Variants in SGSM2 observed in about 807,000 individuals in gnomAD.
SGSM2 encodes the protein small G protein signaling modulator 2.
Under a neutral mutation model 126.6 loss-of-function variants are expected in SGSM2, and 89 were observed. That is an observed-to-expected ratio of 0.70 (90% CI 0.59 to 0.84). SGSM2 has a LOEUF of 0.84. SGSM2 is among the 40% of genes least tolerant of loss of function. SGSM2 has a pLI of 0.00. For synonymous variants in SGSM2, 614 were observed against 574.3 expected (o/e 1.07, Z -0.99); for missense variants, 1,404 against 1,416.6 (o/e 0.99, Z 0.14).
Position 2,379,986 on chromosome 17 carries a change from G to T in SGSM2, c.*466G>T. 7.2e-7 allele frequency: 1 copy of T among 1,380,546 alleles called. No homozygotes were observed. Among genetic ancestry groups the T allele is most frequent in the African/African-American group, 1.5e-5 (1 of 68,482 alleles). 85.5% of individuals were successfully genotyped at this position (1,380,546 alleles called of 1,614,324 possible). ...GTCCCAGTATATTGTGCGTGCACCA[G>T]CCCCAGCTGGAGCAACCAAAACTGC... On this transcript the variant is annotated 3_prime_UTR_variant, in exon 24 of 24. Coordinates refer to ENST00000268989, the MANE Select transcript of SGSM2 (RefSeq NM_014853.3).
rs757823347 is a variant in SGSM2 at position 2,371,422 on chromosome 17, G to A, written c.1577+7G>A. The A allele has an allele frequency of 8.2e-6, 13 of 1,586,444 alleles. No individual in the cohort carries two copies. Among genetic ancestry groups the A allele is most frequent in the Non-Finnish European group, 1.1e-5 (13 of 1,165,406 alleles). On this transcript the variant is annotated splice_region_variant and intron_variant, in intron 13 of 23. Coordinates refer to ENST00000268989, the MANE Select transcript of SGSM2 (RefSeq NM_014853.3). ...GTAGCTGCATCCCCGACCGGTGAGT[G>A]GGCAGCGCTCGGCCCCAGCTTCCCG...
chr17:2,375,762 G>A lies in SGSM2; in HGVS notation c.2371G>A (p.Gly791Ser), dbSNP rs751282897. Reference protein sequence around the residue: ...GGGEEGSSGPGPAAHTLREPQ... With the variant: ...GGGEEGSSGPSPAAHTLREPQ... ...TGGGGAGGAAGGCTCCAGTGGGCCC[G>A]GCCCTGCAGCTCACACTTTGAGGGA... The change falls in exon 18 of 24, where the codon GGC becomes AGC. Residue 791 changes from glycine to serine, a missense_variant. Coordinates refer to ENST00000268989, the MANE Select transcript of SGSM2 (RefSeq NM_014853.3). The A allele has an allele frequency of 1.1e-5, 17 of 1,599,794 alleles. No individual in the cohort carries two copies. The highest frequency in any genetic ancestry group is 4.5e-5 in the East Asian group (2 of 44,630).
rs998582670 is a variant in SGSM2 at position 2,363,180 on chromosome 17, A to G, written c.672+46A>G. On this transcript the variant is annotated intron_variant, in intron 6 of 23. Transcript: ENST00000268989. This position sits in a 1 kb window ranked among gnomAD's most constrained non-coding sequence, Gnocchi z 4.2. The stretch of plus-strand genomic sequence containing the variant: ...CTTTGGGCTCATCTGGGCTATGCCC[A>G]TGGGCCTGTAGGGACGGGAAACCGG... 14 of 1,548,176 alleles carry G rather than the reference A, an allele frequency of 9.0e-6. No individual in the cohort carries two copies. In the African/African-American group the frequency reaches 1.2e-4, roughly 14 times the overall value.
chr17:2,361,948 G>T, intron 3 of SGSM2, 149 bp downstream of exon 3: 1 of 1,306,236 alleles, frequency 7.7e-7, no homozygotes, highest in Non-Finnish European at 1.0e-6. Flanking sequence ...GGAGGGGATT[G>T]GTTCCTTGTG....
chr17:2,372,264 G>A lies in SGSM2; in HGVS notation c.1642+10G>A. 1 of 1,612,658 alleles carries A rather than the reference G, an allele frequency of 6.2e-7. No homozygotes were observed. Among genetic ancestry groups the A allele is most frequent in the Non-Finnish European group, 8.5e-7 (1 of 1,179,538 alleles). ...CGGGCCTTCTACGGCTGTGAGTGTG[G>A]GGCGCGCCGGGCTGTGGCGGGCTGG... On this transcript the variant is annotated intron_variant, in intron 14 of 23. Coordinates refer to ENST00000268989, the MANE Select transcript of SGSM2 (RefSeq NM_014853.3). This position sits in a 1 kb window ranked among gnomAD's most constrained non-coding sequence, Gnocchi z 6.0.
At position 2,380,493 on chromosome 17, in the gene SGSM2, A is replaced by T. The variant is rs2066367246; in HGVS notation, c.*973A>T. The T allele has an allele frequency of 1.6e-6, 1 of 634,962 alleles. No individual in the cohort carries two copies. The highest frequency in any genetic ancestry group is 2.8e-6 in the Non-Finnish European group (1 of 354,980). 39.3% of individuals were successfully genotyped at this position (634,962 alleles called of 1,614,324 possible). ...AGGCAGGGGATGCATGGGTGTCCCC[A>T]TCTGTCCCTGGTGAGAAGCAAGGCT... On this transcript the variant is annotated 3_prime_UTR_variant, in exon 24 of 24. Transcript: ENST00000268989.
In SGSM2 at chr17:2,372,311, A is replaced by G; in HGVS notation, c.1643-32A>G. The stretch of plus-strand genomic sequence containing the variant: ...CTGGGGGCGGGCGGCCCTGGGTCCC[A>G]GCCTCCTGCTGCCCACCGCTGCCCA... On this transcript the variant is annotated intron_variant, in intron 14 of 23. Coordinates refer to ENST00000268989, the MANE Select transcript of SGSM2 (RefSeq NM_014853.3). The surrounding 1 kb of genome is among the most constrained non-coding windows in gnomAD (Gnocchi z 6.0). 6.2e-7 allele frequency: 1 copy of G among 1,609,112 alleles called. No individual in the cohort carries two copies. Among genetic ancestry groups the G allele is most frequent in the Admixed American group, 1.7e-5 (1 of 59,736 alleles).
At position 2,377,666 on chromosome 17, in the gene SGSM2, A is replaced by C. The variant is rs1231007024; in HGVS notation, c.2803-191A>C. On this transcript the variant is annotated intron_variant, in intron 21 of 23. Transcript: ENST00000268989. ...CAGAGAGATGGGTGATGGGAGGGGCAGCAGGAGCAACCCACCCTCCACAAG... is the reference window on the plus strand; with the variant it reads ...CAGAGAGATGGGTGATGGGAGGGGCCGCAGGAGCAACCCACCCTCCACAAG... The C allele has an allele frequency of 1.8e-5, 9 of 487,306 alleles. No individual in the cohort carries two copies. The Admixed American group carries it at 3.2e-4, about 18-fold the overall frequency. The allele number at this position is 487,306 out of a possible 1,614,324, so 30.2% of individuals were successfully genotyped here.
intron 2 of SGSM2, among the ~76,000 whole-genome samples, chr17:2,352,998 G>C (rs550319394): frequency 2.1e-4 from 32 of 150,712 alleles, no homozygotes; most frequent in Admixed American, 3.3e-4. Flanking sequence ...AGGATGGTCT[G>C]GATCTCCTGA....
At position 2,380,800 on chromosome 17, in the gene SGSM2, C is replaced by T. The variant is rs952599217; in HGVS notation, c.*1280C>T. 3.1e-5 allele frequency: 6 copies of T among 194,226 alleles called. No individual in the cohort carries two copies. The highest frequency in any genetic ancestry group is 1.8e-4 in the South Asian group (2 of 11,332). The allele number at this position is 194,226 out of a possible 1,614,324, so 12.0% of individuals were successfully genotyped here. A position where few individuals can be genotyped will look rare whatever the true frequency, so the allele number is the denominator to read the frequency against. On this transcript the variant is annotated 3_prime_UTR_variant, in exon 24 of 24. Transcript: ENST00000268989. Reference sequence around the variant, plus strand: ...ATTTGAGAAACATGACAAAGGGCCCCGCAGCCCTTCTGCACCCAGCACAGC... The same window carrying T: ...ATTTGAGAAACATGACAAAGGGCCCTGCAGCCCTTCTGCACCCAGCACAGC...
At chr17:2,370,070 G>A (rs755904645) in intron 12 of SGSM2, among the ~76,000 whole-genome samples, 10 of 152,220 alleles carry the variant, frequency 6.6e-5, no homozygotes, top group Non-Finnish European at 1.0e-4. Context: ...GGCACACCCA[G>A]AGCTGGAGTC....
At chr17:2,357,325 C>T (rs1188625935) in intron 2 of SGSM2, among the ~76,000 whole-genome samples, 3 of 152,066 alleles carry the variant, frequency 2.0e-5, no homozygotes, top group Non-Finnish European at 2.9e-5. Flanking sequence ...TACCTGGGCT[C>T]AGCTGGCCCA....
intron 2 of SGSM2, among the ~76,000 whole-genome samples, chr17:2,352,767 CTTTTTTT>C (rs71150860): frequency 3.0e-4 from 26 of 85,964 alleles, no homozygotes; most frequent in South Asian, 1.2e-3. Flanking sequence ...GCTGCATTTT[CTTTTTTT>C]TTTTTTTTTT....
At chr17:2,353,879 T>C (rs2064979526) in intron 2 of SGSM2, among the ~76,000 whole-genome samples, 1 of 152,184 alleles carries the variant, frequency 6.6e-6, no homozygotes, top group Admixed American at 6.5e-5. Flanking sequence ...TCATGCATCC[T>C]TCTAGAGGTT....
chr17:2,362,006 C>T lies in SGSM2; in HGVS notation c.297-103C>T. The T allele has an allele frequency of 6.9e-7, 1 of 1,442,962 alleles. No homozygotes were observed. Among genetic ancestry groups the T allele is most frequent in the Non-Finnish European group, 9.3e-7 (1 of 1,071,606 alleles). 89.4% of individuals were successfully genotyped at this position (1,442,962 alleles called of 1,614,324 possible). ...CTTCACCTCCCAACCCCAGTCAGTT[C>T]TCTGTGCTCCCATCTTGGGGTACCA... On this transcript the variant is annotated intron_variant, in intron 3 of 23. Coordinates refer to ENST00000268989, the MANE Select transcript of SGSM2 (RefSeq NM_014853.3). This position sits in a 1 kb window ranked among gnomAD's most constrained non-coding sequence, Gnocchi z 4.9.
In SGSM2 at chr17:2,380,887, T is replaced by C. The variant is rs539729583; in HGVS notation, c.*1367T>C. 3 of 158,544 alleles carry C rather than the reference T, an allele frequency of 1.9e-5. No homozygotes were observed. The highest frequency in any genetic ancestry group is 1.9e-4 in the East Asian group (1 of 5,278). 9.8% of individuals were successfully genotyped at this position (158,544 alleles called of 1,614,324 possible). ...CCTGTCTGGGGGCCAGACCACCCCA[T>C]TGTCCATCCTTGTTGTCCGTGAGTC... On this transcript the variant is annotated 3_prime_UTR_variant, in exon 24 of 24. Transcript: ENST00000268989.
chr17:2,367,046 G>A lies in SGSM2; in HGVS notation c.1289-225G>A. On this transcript the variant is annotated intron_variant, in intron 11 of 23. Coordinates refer to ENST00000268989, the MANE Select transcript of SGSM2 (RefSeq NM_014853.3). The surrounding 1 kb of genome is among the most constrained non-coding windows in gnomAD (Gnocchi z 4.0). ...CTCTTCTGTTCTTCCTAGAGAGGCT[G>A]CCTCCGAAGAGTGAGGTTCTGCAGC... The A allele has an allele frequency of 1.9e-6, 1 of 530,132 alleles. No individual in the cohort carries two copies. The highest frequency in any genetic ancestry group is 3.4e-6 in the Non-Finnish European group (1 of 295,510). The allele number at this position is 530,132 out of a possible 1,614,324, so 32.8% of individuals were successfully genotyped here.
rs774281105 is a variant in SGSM2, at chr17:2,363,946, G to A, written c.808-113G>A. 60 of 1,334,680 alleles carry A rather than the reference G, an allele frequency of 4.5e-5. No individual in the cohort carries two copies. The highest frequency in any genetic ancestry group is 5.8e-5 in the Non-Finnish European group (55 of 944,814). The allele number at this position is 1,334,680 out of a possible 1,614,324, so 82.7% of individuals were successfully genotyped here. A position where few individuals can be genotyped will look rare whatever the true frequency, so the allele number is the denominator to read the frequency against. On this transcript the variant is annotated intron_variant, in intron 7 of 23. Transcript: ENST00000268989. This position sits in a 1 kb window ranked among gnomAD's most constrained non-coding sequence, Gnocchi z 4.2. ...TGCCCCGTCCCTAGTCCAGGACCCC[G>A]TGACTAGCCTAGCTTGGCCTCCCCT...
intron 17 of SGSM2, 29 bp from the exon 18 acceptor site, chr17:2,375,463 G>C (rs765897221): frequency 6.3e-7 from 1 of 1,576,680 alleles, no homozygotes; most frequent in African/African-American, 1.3e-5. Context: ...CTGGAGTGCA[G>C]GTGGAGCCGC....
Sources: gnomAD v4.1 joint callset for allele counts (sites outside exome capture counted in the v4.1 genomes callset) on GRCh38, gnomAD v4.1.1 for gene constraint, Gnocchi (gnomAD v3.1) non-coding constraint, MANE v1.5 for transcripts, NCBI Gene and HGNC (gene_info 2026-07-23, HGNC 2026-07-21) for gene names.